Variants in POLA2 observed in about 807,000 individuals in gnomAD.
The protein encoded by POLA2 is DNA polymerase alpha 2, accessory subunit.
A neutral mutation model predicts 82.8 loss-of-function variants in POLA2; 47 were observed. The ratio of observed to expected loss-of-function variants is 0.57; its 90% CI spans 0.45 to 0.72. The LOEUF (loss-of-function observed/expected upper bound fraction) is 0.72. Among genes scored for constraint, POLA2 ranks in the 30% least tolerant of loss-of-function variants. The probability of loss-of-function intolerance (pLI) is 0.00; values close to 1 mark genes in which losing one functional copy is unlikely to be tolerated. For missense variants in POLA2, 634 were observed against 728.1 expected (o/e 0.87, Z 1.49); for synonymous variants, 287 against 286.8 (o/e 1.00, Z -0.01).
intron 12 of POLA2, 151 bp from the exon 13 acceptor site, chr11:65,289,648 C>T: frequency 1.7e-6 from 1 of 595,214 alleles, no homozygotes; most frequent in Non-Finnish European, 3.0e-6. Flanking sequence ...AGACTTAGCT[C>T]CTTAAGACAA....
chr11:65,268,814 T>G (rs1407601587), intron 4 of POLA2, 85 bp downstream of exon 4: 2 of 803,658 alleles, frequency 2.5e-6, no homozygotes, highest in Non-Finnish European at 4.0e-6. Flanking sequence ...AGGGAAAAAA[T>G]CAACCACTCT....
In POLA2 at chr11:65,295,883, C is replaced by T. The variant is rs2137598492; in HGVS notation, c.1540C>T (p.Pro514Ser). 1 of 1,613,492 alleles carries T rather than the reference C, an allele frequency of 6.2e-7. No individual in the cohort carries two copies. The highest frequency in any genetic ancestry group is 2.2e-5 in the East Asian group (1 of 44,842). The change falls in exon 17 of 18, where the codon CCC (proline) becomes TCC (serine). Residue 514 changes from proline to serine, a missense_variant. Pro to Ser is a moderately conservative substitution (Grantham distance 74). Transcript: ENST00000265465. ...TQRSYYPLYP[P>S]QEDMAIDYES... ...CTGTAGCTACTACCCACTCTACCCG[C>T]CCCAAGAAGACATGGCCATTGACTA... is the stretch of plus-strand genomic sequence containing the variant.
At chr11:65,281,337 C>T (rs1949639079) in intron 8 of POLA2, among the ~76,000 whole-genome samples, 190 bp downstream of exon 8, 1 of 152,088 alleles carries the variant, frequency 6.6e-6, no homozygotes. Flanking sequence ...GGCTCTGGGA[C>T]CTGACTGCGC....
chr11:65,289,760 C>T (rs762104932), intron 12 of POLA2, 39 bp from the exon 13 acceptor site: 1 of 1,344,596 alleles, frequency 7.4e-7, no homozygotes, highest in South Asian at 1.2e-5. Context: ...AAACACCAAA[C>T]ATCTGCCGTC....
intron 8 of POLA2, among the ~76,000 whole-genome samples, chr11:65,303,707 C>T (rs1467687641): frequency 6.6e-6 from 1 of 152,148 alleles, no homozygotes; most frequent in African/African-American, 2.4e-5. Flanking sequence ...TCACTGGTCC[C>T]TAGACAGTGC....
chr11:65,264,057 T>C (rs1251834003), intron 1 of POLA2, among the ~76,000 whole-genome samples: 1 of 152,076 alleles, frequency 6.6e-6, no homozygotes, highest in Non-Finnish European at 1.5e-5. Flanking sequence ...CGTATTTCCC[T>C]GTTTTTTTTG....
intron 4 of POLA2, among the ~76,000 whole-genome samples, chr11:65,274,749 G>A (rs573732350): frequency 3.0e-4 from 45 of 151,856 alleles, no homozygotes; most frequent in African/African-American, 1.1e-3. Flanking sequence ...AAAAAATTCA[G>A]CACATAAAAT....
At position 65,295,988 on chromosome 11, in the gene POLA2, A is replaced by C; in HGVS notation, c.1645A>C (p.Lys549Gln). Residue 549 changes from lysine to glutamine, a missense_variant and splice_region_variant, in exon 17 of 18, where the codon AAG becomes CAG. Transcript: ENST00000265465. ...IIPSELRYFVKDVLGCVCVNP... is the reference protein window; with the variant it reads ...IIPSELRYFVQDVLGCVCVNP... ...CCCGTCAGAGCTGAGGTACTTCGTG[A>C]AGGTAGGTTTGAACTCTGCTTTTTC... is the stretch of plus-strand genomic sequence containing the variant. 6.2e-7 allele frequency: 1 copy of C among 1,614,078 alleles called. No homozygotes were observed. Among genetic ancestry groups the C allele is most frequent in the Non-Finnish European group, 8.5e-7 (1 of 1,179,996 alleles).
chr11:65,304,277 T>C (rs2137624142), intron 8 of POLA2, among the ~76,000 whole-genome samples: 1 of 150,418 alleles, frequency 6.6e-6, no homozygotes, highest in Non-Finnish European at 1.5e-5. Context: ...CCATCCTTTC[T>C]TCCATCCATC....
chr11:65,276,915 C>A (rs1041132247), intron 5 of POLA2, among the ~76,000 whole-genome samples: 1 of 151,718 alleles, frequency 6.6e-6, no homozygotes, highest in African/African-American at 2.4e-5. Context: ...CTCAGCTTCC[C>A]GAGTAGCTGG....
chr11:65,299,382 C>T (rs959436571), downstream of POLA2, among the ~76,000 whole-genome samples: 2 of 152,238 alleles, frequency 1.3e-5, no homozygotes, highest in Non-Finnish European at 1.5e-5. Context: ...TTACCCGCCT[C>T]GTGGCTTCCC....
chr11:65,275,911 T>C lies in POLA2; in HGVS notation c.374T>C (p.Ile125Thr). 6.2e-7 allele frequency: 1 copy of C among 1,607,372 alleles called. No individual in the cohort carries two copies. Among genetic ancestry groups the C allele is most frequent in the Non-Finnish European group, 8.5e-7 (1 of 1,176,430 alleles). ...TPSKGSQKRA[I>T]STPETPLTKR... is the part of the protein sequence containing the mutation. ...CCCTAGGGTTCTCAGAAGCGAGCTA[T>C]CTCTACCCCAGAAACCCCCCTAACA... The change falls in exon 5 of 18, where the codon ATC becomes ACC. Residue 125 changes from isoleucine to threonine, a missense_variant. Transcript: ENST00000265465.
rs1462198081 is a variant in POLA2 at position 65,266,658 on chromosome 11, A to T, written c.156A>T (p.Thr52=). The T allele has an allele frequency of 6.2e-7, 1 of 1,614,156 alleles. No individual in the cohort carries two copies. Among genetic ancestry groups the T allele is most frequent in the Non-Finnish European group, 8.5e-7 (1 of 1,179,982 alleles). ...AGCTTATAGCCTTCTGCACCAGCAC[A>T]CATAAAGTTGGCCTTACCTCAGAGA... ...VGELIAFCTS[T]HKVGLTSEIL... The change falls in exon 2 of 18, where the codon ACA becomes ACT. Residue 52 remains threonine (T), a synonymous_variant. Coordinates refer to ENST00000265465, the MANE Select transcript of POLA2 (RefSeq NM_002689.4).
intron 9 of POLA2, among the ~76,000 whole-genome samples, chr11:65,282,192 T>C (rs1949648575): frequency 6.6e-6 from 1 of 152,232 alleles, no homozygotes; most frequent in Non-Finnish European, 1.5e-5. Context: ...AGTACACTGA[T>C]ACTTTAGGCA....
chr11:65,305,424 G>T (rs944265285), exon 9 of POLA2: 2 of 455,980 alleles, frequency 4.4e-6, no homozygotes, highest in African/African-American at 4.0e-5. Context: ...CCAGGGGCTG[G>T]TGAGCCTGAG....
intron 13 of POLA2, among the ~76,000 whole-genome samples, chr11:65,292,332 C>T (rs926462645): frequency 4.6e-5 from 7 of 152,212 alleles, no homozygotes; most frequent in African/African-American, 1.2e-4. Context: ...AGGACCCTCC[C>T]GCTGTGACGT....
Position 65,297,199 on chromosome 11 carries a change from T to C in POLA2, c.1727T>C (p.Leu576Pro). The stretch of plus-strand genomic sequence containing the variant: ...GGAGGCACCTTCGCCCGACTCTACC[T>C]TAGGAGGCCGGCAGCGGACGGGGCA... ...QVGGTFARLY[L>P]RRPAADGAER... is the part of the protein sequence containing the mutation. Residue 576 changes from leucine to proline, a missense_variant, in exon 18 of 18, where the codon CTT becomes CCT. By Grantham distance (98) the Leu-to-Pro change is moderately conservative. Transcript: ENST00000265465. 1.2e-6 allele frequency: 2 copies of C among 1,614,068 alleles called. No individual in the cohort carries two copies. Among genetic ancestry groups the C allele is most frequent in the Non-Finnish European group, 1.7e-6 (2 of 1,180,000 alleles).
intron 8 of POLA2, among the ~76,000 whole-genome samples, 169 bp downstream of exon 8, chr11:65,281,316 G>A (rs761998214): frequency 6.6e-6 from 1 of 152,092 alleles, no homozygotes; most frequent in Non-Finnish European, 1.5e-5. Flanking sequence ...TTTCCCCCAT[G>A]CTCTGACCCA....
At chr11:65,277,465 A>G (rs1949593916) in intron 5 of POLA2, among the ~76,000 whole-genome samples, 1 of 152,228 alleles carries the variant, frequency 6.6e-6, no homozygotes, top group Non-Finnish European at 1.5e-5. Context: ...GGCATGAGCC[A>G]GCATGCCTGG....
Sources: allele counts gnomAD v4.1 joint callset (sites outside exome capture counted in the v4.1 genomes callset), GRCh38; gene constraint gnomAD v4.1.1; transcripts MANE v1.5; gene names NCBI Gene and HGNC (gene_info 2026-07-23, HGNC 2026-07-21).